Variants in FARP1 observed in about 807,000 individuals in gnomAD.
The protein encoded by FARP1 is FERM, ARH/RhoGEF and pleckstrin domain protein 1.
Under a neutral mutation model 128.8 loss-of-function variants are expected in FARP1, and 52 were observed. The ratio of observed to expected loss-of-function variants is 0.40; its 90% CI spans 0.32 to 0.51. The LOEUF is 0.51. Among genes scored for constraint, FARP1 ranks in the 20% least tolerant of loss-of-function variants. FARP1 has a pLI of 0.45. For missense variants in FARP1, 1,333 were observed against 1,367.9 expected, an observed-to-expected ratio of 0.97 and a Z score of 0.40; for synonymous variants, 580 against 551.8, an observed-to-expected ratio of 1.05 and a Z score of -0.72.
At chr13:98,377,531 C>T (rs982750727) in intron 5 of FARP1, among the ~76,000 whole-genome samples, 6 of 152,120 alleles carry the variant, frequency 3.9e-5, no homozygotes, top group African/African-American at 1.4e-4. Flanking sequence ...TTCCTGTACG[C>T]TACAAAAATA....
chr13:98,390,267 TC>T, intron 10 of FARP1, 147 bp downstream of exon 10: 1 of 845,386 alleles, frequency 1.2e-6, no homozygotes, highest in Non-Finnish European at 1.8e-6. Context: ...TGTATCTTAA[TC>T]CCAGTGGGCT....
intron 6 of FARP1, 124 bp downstream of exon 6, chr13:98,378,042 G>C (rs1262166399): frequency 1.4e-6 from 1 of 716,962 alleles, no homozygotes; most frequent in Admixed American, 2.3e-5. Flanking sequence ...TTTGCTGTTC[G>C]TATGAAGGCC....
At chr13:98,223,860 A>G (rs1038294340) in intron 2 of FARP1, among the ~76,000 whole-genome samples, 1 of 152,244 alleles carries the variant, frequency 6.6e-6, no homozygotes, top group African/African-American at 2.4e-5. Flanking sequence ...CAAGCTGGAA[A>G]AGCATTTAGA....
chr13:98,308,035 T>C (rs1309923944), intron 2 of FARP1, among the ~76,000 whole-genome samples: 715 of 4,092 alleles, frequency 0.17, 28 homozygotes, highest in Middle Eastern at 0.25. Context: ...CTCTCTCTCT[T>C]TTTTTTTTTT....
At chr13:98,235,319 A>C (rs1449326366) in intron 2 of FARP1, among the ~76,000 whole-genome samples, 4 of 152,186 alleles carry the variant, frequency 2.6e-5, no homozygotes, top group Non-Finnish European at 5.9e-5. Flanking sequence ...ATATTCTAAC[A>C]CAAATCAAAA....
intron 2 of FARP1, among the ~76,000 whole-genome samples, chr13:98,248,799 T>C (rs1883192095): frequency 6.6e-6 from 1 of 151,970 alleles, no homozygotes; most frequent in Admixed American, 6.6e-5. Flanking sequence ...TGCCGTGATT[T>C]GTTTGCGTTT....
chr13:98,185,242 A>G (rs1403764471), intron 1 of FARP1, among the ~76,000 whole-genome samples: 3 of 152,210 alleles, frequency 2.0e-5, no homozygotes, highest in African/African-American at 7.2e-5. Flanking sequence ...CTGGCTGGTA[A>G]AAATTCCTGA....
chr13:98,401,740 T>A (rs1566293846), intron 13 of FARP1: 1 of 152,146 alleles, frequency 6.6e-6, no homozygotes, highest in Non-Finnish European at 1.5e-5. Flanking sequence ...AGGAACTTTT[T>A]TATTTAACCC....
intron 6 of FARP1, among the ~76,000 whole-genome samples, chr13:98,382,000 T>C (rs551780545): frequency 1.3e-5 from 2 of 151,664 alleles, no homozygotes; most frequent in Admixed American, 1.3e-4. Flanking sequence ...AAAAACAAAA[T>C]TAGCTTGAGG....
intron 2 of FARP1, among the ~76,000 whole-genome samples, chr13:98,221,899 A>G (rs1365589953): frequency 6.6e-6 from 1 of 152,238 alleles, no homozygotes; most frequent in Non-Finnish European, 1.5e-5. Context: ...TGTAAATATA[A>G]AAACATTGCA....
chr13:98,377,396 G>A (rs921191614), intron 5 of FARP1, among the ~76,000 whole-genome samples: 4 of 143,176 alleles, frequency 2.8e-5, no homozygotes, highest in South Asian at 4.4e-4. Context: ...AAAAAATGAC[G>A]CCCCCTTGTT....
intron 2 of FARP1, among the ~76,000 whole-genome samples, chr13:98,225,860 T>C (rs112351529): frequency 6.6e-6 from 1 of 152,234 alleles, no homozygotes; most frequent in Non-Finnish European, 1.5e-5. Context: ...GGTTATTGTT[T>C]AGTGGCACAC....
intron 2 of FARP1, among the ~76,000 whole-genome samples, chr13:98,213,892 C>A (rs1304699000): frequency 1.3e-5 from 2 of 152,114 alleles, no homozygotes; most frequent in East Asian, 3.9e-4. Flanking sequence ...TAAAGAGCCA[C>A]GTGTGTTTTC....
At chr13:98,227,994 G>A (rs1881893718) in intron 2 of FARP1, among the ~76,000 whole-genome samples, 2 of 152,254 alleles carry the variant, frequency 1.3e-5, no homozygotes, top group African/African-American at 4.8e-5. Flanking sequence ...TGTTTTGCCA[G>A]ATGAAAACAT....
At chr13:98,408,574 C>G (rs1479992749) in intron 13 of FARP1, among the ~76,000 whole-genome samples, 1 of 152,176 alleles carries the variant, frequency 6.6e-6, no homozygotes, top group Non-Finnish European at 1.5e-5. Flanking sequence ...GGCAATCCGC[C>G]TGCCTCGGCC....
At chr13:98,300,419 C>T (rs1402265184) in intron 2 of FARP1, among the ~76,000 whole-genome samples, 1 of 152,220 alleles carries the variant, frequency 6.6e-6, no homozygotes, top group Non-Finnish European at 1.5e-5. Context: ...GTGAAGAGAG[C>T]TGGGCAGATG....
At chr13:98,269,912 T>C (rs1405817376) in intron 2 of FARP1, among the ~76,000 whole-genome samples, 1 of 152,030 alleles carries the variant, frequency 6.6e-6, no homozygotes, top group East Asian at 1.9e-4. Flanking sequence ...AGTTCAGGAG[T>C]TTGAGACGGG....
At chr13:98,226,943 C>G (rs1881813595) in intron 2 of FARP1, among the ~76,000 whole-genome samples, 1 of 151,578 alleles carries the variant, frequency 6.6e-6, no homozygotes, top group Non-Finnish European at 1.5e-5. Context: ...TTCTTTCTTT[C>G]TTTCTTTTTT....
intron 2 of FARP1, among the ~76,000 whole-genome samples, chr13:98,283,871 T>G (rs1384642647): frequency 6.6e-6 from 1 of 152,216 alleles, no homozygotes. Flanking sequence ...AAAGTTAGAA[T>G]TTTCTGTTTG....
Sources: allele counts gnomAD v4.1 joint callset (sites outside exome capture counted in the v4.1 genomes callset), GRCh38; gene constraint gnomAD v4.1.1; transcripts MANE v1.5; gene names NCBI Gene and HGNC (gene_info 2026-07-23, HGNC 2026-07-21).